Variants in RALGAPA2 observed in about 807,000 individuals in gnomAD.
RALGAPA2 encodes ral GTPase-activating protein subunit alpha-2.
RALGAPA2 carries 139 observed loss-of-function variants against 230.4 expected under a neutral mutation model. The ratio of observed to expected loss-of-function variants is 0.60; its 90% CI spans 0.53 to 0.69. The LOEUF (loss-of-function observed/expected upper bound fraction) is 0.69. RALGAPA2 is among the 30% of genes least tolerant of loss of function. The pLI is 0.00. For missense variants in RALGAPA2, 2,163 were observed against 2,276.0 expected (o/e 0.95, Z 1.01); for synonymous variants, 847 against 837.8 (o/e 1.01, Z -0.19).
intron 3 of RALGAPA2, among the ~76,000 whole-genome samples, chr20:20,654,482 G>A (rs148199404): frequency 7.2e-4 from 110 of 152,290 alleles, no homozygotes; most frequent in South Asian, 2.5e-3. Flanking sequence ...GGGCCACCAC[G>A]TCCAGCCCCA....
chr20:20,467,128 T>C (rs1042691670), intron 37 of RALGAPA2, among the ~76,000 whole-genome samples: 7 of 152,212 alleles, frequency 4.6e-5, no homozygotes, highest in Admixed American at 1.3e-4. Flanking sequence ...CATGAATTAA[T>C]GTATTTTAGA....
chr20:20,709,630 G>A (rs1272742841), intron 1 of RALGAPA2, among the ~76,000 whole-genome samples: 3 of 152,118 alleles, frequency 2.0e-5, no homozygotes, highest in Admixed American at 6.5e-5. Context: ...TAAGTAAACC[G>A]TCTGCTACAT....
At chr20:20,574,594 C>T (rs1430544420) in intron 20 of RALGAPA2, among the ~76,000 whole-genome samples, 2 of 152,128 alleles carry the variant, frequency 1.3e-5, no homozygotes, top group African/African-American at 4.8e-5. Context: ...GACACACAGG[C>T]ACCACTTAAA....
chr20:20,578,003 T>TA (rs1209614885), intron 20 of RALGAPA2, among the ~76,000 whole-genome samples: 4 of 152,098 alleles, frequency 2.6e-5, no homozygotes, highest in Non-Finnish European at 5.9e-5. Context: ...AATATGCCCT[T>TA]ACTTATGAAA....
chr20:20,645,235 C>T (rs1199481044), intron 4 of RALGAPA2, among the ~76,000 whole-genome samples: 3 of 151,378 alleles, frequency 2.0e-5, no homozygotes, highest in African/African-American at 7.3e-5. Context: ...CTGCCTCAGC[C>T]TCCTGAGTAG....
At chr20:20,411,666 C>T (rs2060062293) in intron 38 of RALGAPA2, among the ~76,000 whole-genome samples, 1 of 152,190 alleles carries the variant, frequency 6.6e-6, no homozygotes, top group Non-Finnish European at 1.5e-5. Flanking sequence ...ACGGCTTCCA[C>T]TGTGAGGAAC....
chr20:20,436,387 A>G (rs935216410), intron 37 of RALGAPA2, among the ~76,000 whole-genome samples: 1 of 152,252 alleles, frequency 6.6e-6, no homozygotes, highest in Non-Finnish European at 1.5e-5. Context: ...CCTACCAGAT[A>G]AAACAATTTA....
intron 1 of RALGAPA2, among the ~76,000 whole-genome samples, chr20:20,711,066 C>T (rs2069841913): frequency 6.6e-6 from 1 of 152,214 alleles, no homozygotes; most frequent in African/African-American, 2.4e-5. Flanking sequence ...GTCTTGAAAA[C>T]GAATCCCTGT....
intron 30 of RALGAPA2, 101 bp from the exon 31 acceptor site, chr20:20,521,201 T>A: frequency 1.1e-6 from 1 of 931,414 alleles, no homozygotes; most frequent in Non-Finnish European, 1.6e-6. Context: ...GACTCCTGCT[T>A]GGTCCTAGCT....
Position 20,572,937 on chromosome 20 carries a change from A to T in RALGAPA2, c.2839T>A (p.Ser947Thr). Residue 947 changes from serine to threonine, a missense_variant, in exon 21 of 40, where the codon TCA (serine) becomes ACA (threonine). Physicochemically the swap from Ser to Thr is moderately conservative, Grantham distance 58. Coordinates refer to ENST00000202677, the MANE Select transcript of RALGAPA2 (RefSeq NM_020343.4). ...AAAACTCTGGCATGGATCTTGGGTG[A>T]CTGGATGTTATTCACATCTCCGAGG... ...GILGDVNNIQSPKIHARVFCY... is the reference protein window; with the variant it reads ...GILGDVNNIQTPKIHARVFCY... 3 of 1,578,454 alleles carry T rather than the reference A, an allele frequency of 1.9e-6. No homozygotes were observed. The highest frequency in any genetic ancestry group is 2.6e-6 in the Non-Finnish European group (3 of 1,161,292).
chr20:20,591,407 C>T (rs1461441512), intron 16 of RALGAPA2, 93 bp from the exon 17 acceptor site: 72 of 1,367,986 alleles, frequency 5.3e-5, no homozygotes, highest in Non-Finnish European at 2.3e-5. Flanking sequence ...AATAAAGTTT[C>T]AAATGCTTTT....
At position 20,389,580 on chromosome 20, in the gene RALGAPA2, T is replaced by C. The variant is rs943052182; in HGVS notation, c.*3709A>G. ...TTATTAGATGCCAGGGTGAACTTTA[T>C]TTTCTTATAAACTATAATGAGAATG... On this transcript the variant is annotated 3_prime_UTR_variant, in exon 40 of 40. Coordinates refer to ENST00000202677, the MANE Select transcript of RALGAPA2 (RefSeq NM_020343.4). 2.6e-5 allele frequency: 4 copies of C among 152,254 alleles called. No homozygotes were observed. The highest frequency in any genetic ancestry group is 9.6e-5 in the African/African-American group (4 of 41,470). The allele number at this position is 152,254 out of a possible 1,614,324, so 9.4% of individuals were successfully genotyped here.
intron 15 of RALGAPA2, among the ~76,000 whole-genome samples, chr20:20,602,091 A>C (rs77653215): frequency 0.017 from 2,523 of 152,340 alleles, 92 homozygotes; most frequent in East Asian, 0.14. Context: ...TTATATCTTC[A>C]TAGTACTCAT....
At position 20,437,265 on chromosome 20, in the gene RALGAPA2, C is replaced by G. The variant is rs1412791467; in HGVS notation, c.5496-25117G>C. ...CCTGGTCACTGAGGCACACATGACTCTGCACCCTCTGACATGCCACGTCTC... is the reference window on the plus strand; with the variant it reads ...CCTGGTCACTGAGGCACACATGACTGTGCACCCTCTGACATGCCACGTCTC... On this transcript the variant is annotated intron_variant, in intron 37 of 39. Transcript: ENST00000202677. The surrounding 1 kb of genome is among the most constrained non-coding windows in gnomAD (Gnocchi z 4.1). Among the ~76,000 whole-genome samples the G allele has an allele frequency of 2.0e-5, 3 of 152,238 alleles. No individual in the cohort carries two copies. Among genetic ancestry groups the G allele is most frequent in the Non-Finnish European group, 2.9e-5 (2 of 68,050 alleles).
At position 20,680,759 on chromosome 20, in the gene RALGAPA2, T is replaced by C. The variant is rs568416370; in HGVS notation, c.149A>G (p.Asn50Ser). ...GAAGATGAAATATATCTGAGAATAG[T>C]TGGTCTCAAAAAACTGCTTAAGATC... Reference protein sequence around the residue: ...ANDLKQFFETNYSQIYFIFYE... With the variant: ...ANDLKQFFETSYSQIYFIFYE... The change falls in exon 2 of 40, where the codon AAC (asparagine) becomes AGC (serine). Residue 50 changes from asparagine (N) to serine (S), a missense_variant. By Grantham distance (46) the Asn-to-Ser change is conservative. Coordinates refer to ENST00000202677, the MANE Select transcript of RALGAPA2 (RefSeq NM_020343.4). The C allele has an allele frequency of 1.9e-5, 30 of 1,588,828 alleles. No homozygotes were observed. The South Asian group carries it at 3.1e-4, about 16-fold the overall frequency.
intron 37 of RALGAPA2, among the ~76,000 whole-genome samples, chr20:20,419,501 G>C (rs1402870778): frequency 6.6e-6 from 1 of 152,162 alleles, no homozygotes; most frequent in African/African-American, 2.4e-5. Context: ...TTCAGAAATA[G>C]ACCAGAATGT....
At chr20:20,411,710 C>T (rs1428204438) in intron 38 of RALGAPA2, among the ~76,000 whole-genome samples, 1 of 152,176 alleles carries the variant, frequency 6.6e-6, no homozygotes, top group African/African-American at 2.4e-5. Context: ...ATTCGGGCAT[C>T]GCTTTTAAAC....
At chr20:20,430,069 T>G (rs2060470432) in intron 37 of RALGAPA2, among the ~76,000 whole-genome samples, 2 of 152,354 alleles carry the variant, frequency 1.3e-5, no homozygotes, top group East Asian at 1.9e-4. Context: ...GGCAACTAGT[T>G]TGCCCTGCAG....
chr20:20,602,518 G>GT (rs1335228369), intron 15 of RALGAPA2, among the ~76,000 whole-genome samples: 3 of 152,224 alleles, frequency 2.0e-5, no homozygotes, highest in Non-Finnish European at 2.9e-5. Flanking sequence ...TTCTGCACAG[G>GT]TATGATGTGG....
Sources: allele counts gnomAD v4.1 joint callset (sites outside exome capture counted in the v4.1 genomes callset), GRCh38; gene constraint gnomAD v4.1.1; non-coding constraint Gnocchi (gnomAD v3.1); transcripts MANE v1.5; gene names NCBI Gene and HGNC (gene_info 2026-07-23, HGNC 2026-07-21).